WDR3: variants seen among roughly 807,000 people sequenced by gnomAD.
The protein encoded by WDR3 is WD repeat-containing protein 3.
WDR3 carries 81 observed loss-of-function variants against 123.7 expected under a neutral mutation model. That is an observed-to-expected ratio of 0.65 (90% confidence interval 0.55 to 0.79). WDR3 has a LOEUF of 0.79. Among genes scored for constraint, WDR3 ranks in the 30% least tolerant of loss-of-function variants. WDR3 has a pLI of 0.00. For synonymous variants in WDR3, 390 were observed against 388.8 expected, an observed-to-expected ratio of 1.00 and a Z score of -0.04; for missense variants, 1,027 against 1,123.2, an observed-to-expected ratio of 0.91 and a Z score of 1.22.
Position 117,964,029 on chromosome 1 carries a change from T to C in WDR3, c.*4582T>C, listed in dbSNP as rs1481155677. The C allele has an allele frequency of 2.8e-6, 4 of 1,411,520 alleles. No individual in the cohort carries two copies. The highest frequency in any genetic ancestry group is 3.9e-6 in the Non-Finnish European group (4 of 1,036,798). 87.4% of individuals were successfully genotyped at this position (1,411,520 alleles called of 1,614,324 possible). ...CATTTTAGAATCATAGAATTTCTTC[T>C]CTGGCAACATCAGTTCAATTTTAGG... On this transcript the variant is annotated 3_prime_UTR_variant, in exon 27 of 27. Transcript: ENST00000349139.
At chr1:117,956,497 C>T (rs1409220738) in intron 24 of WDR3, among the ~76,000 whole-genome samples, 1 of 152,086 alleles carries the variant, frequency 6.6e-6, no homozygotes, top group Non-Finnish European at 1.5e-5. Context: ...GTGGAGGTTA[C>T]AATACATTTC....
intron 1 of WDR3, among the ~76,000 whole-genome samples, chr1:117,930,752 AAG>A (rs1439139048): frequency 6.6e-6 from 1 of 152,320 alleles, no homozygotes; most frequent in African/African-American, 2.4e-5. Context: ...ACTAAAGAGA[AAG>A]AGGCAAAGAG....
intron 1 of WDR3, among the ~76,000 whole-genome samples, chr1:117,931,652 G>T (rs547450424): frequency 3.1e-4 from 47 of 152,256 alleles, no homozygotes; most frequent in African/African-American, 1.1e-3. Flanking sequence ...CATGCTATAT[G>T]AATTCTCCAA....
At chr1:117,942,397 G>T in intron 9 of WDR3, 40 bp from the exon 10 acceptor site, 1 of 1,576,032 alleles carries the variant, frequency 6.3e-7, no homozygotes, top group South Asian at 1.1e-5. Context: ...GCTGCTTCTA[G>T]AAAAATAAGA....
chr1:117,964,144 T>C lies in WDR3; in HGVS notation c.*4697T>C, dbSNP rs564847361. 4 of 474,554 alleles carry C rather than the reference T, an allele frequency of 8.4e-6. No individual in the cohort carries two copies. The highest frequency in any genetic ancestry group is 1.5e-5 in the Non-Finnish European group (4 of 264,806). The allele number at this position is 474,554 out of a possible 1,614,324, so 29.4% of individuals were successfully genotyped here. ...TGTCTAGAATGTCTTCTGTTCTCCC[T>C]AGTGTACATTTCTCTCCTAACTGTG... On this transcript the variant is annotated 3_prime_UTR_variant, in exon 27 of 27. Coordinates refer to ENST00000349139, the MANE Select transcript of WDR3 (RefSeq NM_006784.3).
chr1:117,957,345 G>C (rs1652364640), intron 25 of WDR3, 149 bp downstream of exon 25: 7 of 1,030,526 alleles, frequency 6.8e-6, no homozygotes, highest in Non-Finnish European at 9.5e-6. Context: ...GGGAGGCTGA[G>C]GTGGGTGGAT....
rs377397561 is a variant in WDR3, at chr1:117,964,989, CTT to C, written c.*5543_*5544del. ...TAATATATATCTTCTGCTCCACTCT[CTT>C]CAGCCTACAAACATGTAGGTCTACA... On this transcript the variant is annotated 3_prime_UTR_variant, in exon 27 of 27. Transcript: ENST00000349139. The C allele has an allele frequency of 6.6e-6, 1 of 152,218 alleles. No individual in the cohort carries two copies. The highest frequency in any genetic ancestry group is 6.5e-5 in the Admixed American group (1 of 15,276). The allele number at this position is 152,218 out of a possible 1,614,324, so 9.4% of individuals were successfully genotyped here.
Position 117,942,447 on chromosome 1 carries a change from A to G in WDR3, c.1000A>G (p.Ser334Gly), listed in dbSNP as rs760787012. ...KARKKAKLHS[S>G]KGEEEDPEVN... The stretch of plus-strand genomic sequence containing the variant: ...TCTTCTTCCCTCTAGATTACATTCT[A>G]GCAAAGGAGAGGAGGAAGATCCTGA... The change falls in exon 10 of 27, where the codon AGC becomes GGC. Residue 334 changes from serine to glycine, a missense_variant. Coordinates refer to ENST00000349139, the MANE Select transcript of WDR3 (RefSeq NM_006784.3). 1 of 1,613,766 alleles carries G rather than the reference A, an allele frequency of 6.2e-7. No homozygotes were observed. The highest frequency in any genetic ancestry group is 8.5e-7 in the Non-Finnish European group (1 of 1,179,720).
chr1:117,940,729 GACA>G (rs529621497), intron 6 of WDR3, 95 bp from the exon 7 acceptor site: 1,963 of 1,101,536 alleles, frequency 1.8e-3, no homozygotes, highest in Non-Finnish European at 2.0e-3. Flanking sequence ...CTCTGTCTCC[GACA>G]ACAACAACAA....
In WDR3 at chr1:117,938,567, A is replaced by T. The variant is rs767361153; in HGVS notation, c.579+9A>T. On this transcript the variant is annotated intron_variant, in intron 5 of 26. Coordinates refer to ENST00000349139, the MANE Select transcript of WDR3 (RefSeq NM_006784.3). ...TTGGCCACCGGACTGAGGTAAGTGT[A>T]GGGTCATGGGCCCAGGGAAATAATG... The T allele has an allele frequency of 6.2e-7, 1 of 1,612,428 alleles. No individual in the cohort carries two copies. The highest frequency in any genetic ancestry group is 1.7e-5 in the Admixed American group (1 of 59,938).
chr1:117,950,824 T>G lies in WDR3; in HGVS notation c.1747-10T>G, dbSNP rs760874218. 6.2e-7 allele frequency: 1 copy of G among 1,604,610 alleles called. No individual in the cohort carries two copies. Among genetic ancestry groups the G allele is most frequent in the Non-Finnish European group, 8.5e-7 (1 of 1,176,100 alleles). ...TAGACAGACATTAATTATGTTTTTT[T>G]GATGTTTAGTTTTTTCTGTCACTGT... On this transcript the variant is annotated splice_polypyrimidine_tract_variant and intron_variant, in intron 15 of 26. Transcript: ENST00000349139.
rs1652938322 is a variant in WDR3 at position 117,960,570 on chromosome 1, T to C, written c.*1123T>C. On this transcript the variant is annotated 3_prime_UTR_variant, in exon 27 of 27. Coordinates refer to ENST00000349139, the MANE Select transcript of WDR3 (RefSeq NM_006784.3). Reference sequence around the variant, plus strand: ...ACTTTTCTCTGCTTTTTGGGAGCACTGTGATATGCAGTTTACTGGGGCGAT... The same window carrying C: ...ACTTTTCTCTGCTTTTTGGGAGCACCGTGATATGCAGTTTACTGGGGCGAT... 6.6e-6 allele frequency: 1 copy of C among 152,256 alleles called. No individual in the cohort carries two copies. Among genetic ancestry groups the C allele is most frequent in the African/African-American group, 2.4e-5 (1 of 41,464 alleles). 9.4% of individuals were successfully genotyped at this position (152,256 alleles called of 1,614,324 possible).
chr1:117,948,304 T>C, intron 12 of WDR3, 101 bp from the exon 13 acceptor site: 1 of 928,304 alleles, frequency 1.1e-6, no homozygotes, highest in Non-Finnish European at 1.7e-6. Context: ...GGATCACATT[T>C]TTGCAGCTTG....
At position 117,933,272 on chromosome 1, in the gene WDR3, T is replaced by C. The variant is rs1650798897; in HGVS notation, c.-32-16T>C. On this transcript the variant is annotated splice_polypyrimidine_tract_variant and intron_variant, in intron 1 of 26. Transcript: ENST00000349139. ...AGGCACCCAAGGAGCTGAGTTTTCT[T>C]TGTTTATATGCACAGATTGCTTCAC... is the stretch of plus-strand genomic sequence containing the variant. 1.3e-6 allele frequency: 2 copies of C among 1,595,054 alleles called. No individual in the cohort carries two copies. The highest frequency in any genetic ancestry group is 2.7e-5 in the African/African-American group (2 of 74,108).
chr1:117,936,647 T>C (rs1008878994), intron 3 of WDR3, 122 bp from the exon 4 acceptor site: 171 of 667,300 alleles, frequency 2.6e-4, no homozygotes, highest in Non-Finnish European at 4.4e-5. Context: ...TTCCCCATGC[T>C]TTCCAAATTT....
At chr1:117,941,324 A>T in intron 8 of WDR3, 99 bp downstream of exon 8, 1 of 1,171,534 alleles carries the variant, frequency 8.5e-7, no homozygotes, top group Non-Finnish European at 1.2e-6. Flanking sequence ...TTCTTGACTC[A>T]TGTTAATAAT....
chr1:117,942,891 T>G (rs1443603139), intron 10 of WDR3, among the ~76,000 whole-genome samples: 1 of 130,840 alleles, frequency 7.6e-6, no homozygotes, highest in Admixed American at 7.6e-5. Flanking sequence ...TGAGCCTAGT[T>G]TTTTTTTTTT....
chr1:117,940,981 A>G (rs1233663238), intron 7 of WDR3, 41 bp downstream of exon 7: 1 of 1,590,774 alleles, frequency 6.3e-7, no homozygotes, highest in Non-Finnish European at 8.6e-7. Flanking sequence ...GTGTTGAATA[A>G]TGGGAAAGTA....
chr1:117,958,928 C>T lies in WDR3; in HGVS notation c.2601C>T (p.Ile867=). The T allele has an allele frequency of 6.2e-7, 1 of 1,613,812 alleles. No homozygotes were observed. The highest frequency in any genetic ancestry group is 1.1e-5 in the South Asian group (1 of 91,042). The change falls in exon 26 of 27, where the codon ATC becomes ATT. Residue 867 remains isoleucine, a synonymous_variant. Coordinates refer to ENST00000349139, the MANE Select transcript of WDR3 (RefSeq NM_006784.3). ...FFLLRIHFGQ[I]TSNQMLVPVI... The stretch of plus-strand genomic sequence containing the variant: ...CTATCAGGATTCACTTTGGACAGAT[C>T]ACTAGCAATCAAATGCTTGTGCCAG...
Sources: gnomAD v4.1 joint callset for allele counts (sites outside exome capture counted in the v4.1 genomes callset) on GRCh38, gnomAD v4.1.1 for gene constraint, MANE v1.5 for transcripts, NCBI Gene and HGNC (gene_info 2026-07-23, HGNC 2026-07-21) for gene names.